The following SAMTOR variants were observed in gnomAD, a reference collection of about 807,000 sequenced individuals.
SAMTOR encodes the protein S-adenosylmethionine sensor upstream of mTORC1.
chr7:112,819,941 A>C, the SAMTOR span: 1 of 152,510 alleles, frequency 6.6e-6, no homozygotes, highest in Non-Finnish European at 1.5e-5. Flanking sequence ...ATTATCCTTA[A>C]CATAGTGCTT....
At chr7:112,887,402 C>T in the SAMTOR span, among the ~76,000 whole-genome samples, 1 of 151,952 alleles carries the variant, frequency 6.6e-6, no homozygotes, top group African/African-American at 2.4e-5. Context: ...TGTTAATTCA[C>T]ATTTGGAAAT....
At chr7:112,888,685 A>G in the SAMTOR span, among the ~76,000 whole-genome samples, 3 of 152,166 alleles carry the variant, frequency 2.0e-5, no homozygotes, top group Non-Finnish European at 4.4e-5. Context: ...CCCAGATATC[A>G]AATGGCTTGA....
the SAMTOR span, among the ~76,000 whole-genome samples, chr7:112,862,675 T>A: frequency 1.3e-5 from 2 of 152,168 alleles, no homozygotes; most frequent in East Asian, 3.8e-4. Context: ...ATGCCTGTAA[T>A]CTCAGCACTT....
chr7:112,861,026 G>GA, the SAMTOR span, among the ~76,000 whole-genome samples: 2 of 151,672 alleles, frequency 1.3e-5, no homozygotes, highest in Admixed American at 1.3e-4. Flanking sequence ...ACAAAAGCTG[G>GA]AAAAAACTAT....
chr7:112,888,888 TGAGA>T, the SAMTOR span, among the ~76,000 whole-genome samples: 1 of 152,190 alleles, frequency 6.6e-6, no homozygotes, highest in African/African-American at 2.4e-5. Context: ...TATGTATGTT[TGAGA>T]GAGAGAAAGA....
the SAMTOR span, among the ~76,000 whole-genome samples, chr7:112,849,392 G>C: frequency 6.6e-6 from 1 of 152,110 alleles, no homozygotes; most frequent in Non-Finnish European, 1.5e-5. Flanking sequence ...CACTTTACTA[G>C]TATGTGACCT....
the SAMTOR span, among the ~76,000 whole-genome samples, chr7:112,872,099 G>A: frequency 6.6e-6 from 1 of 152,100 alleles, no homozygotes; most frequent in Middle Eastern, 3.2e-3. Flanking sequence ...AAATCGAGGA[G>A]GAGGAATTCG....
At chr7:112,859,579 C>T in the SAMTOR span, among the ~76,000 whole-genome samples, 4 of 152,156 alleles carry the variant, frequency 2.6e-5, no homozygotes, top group Admixed American at 1.3e-4. Context: ...AGCTCCTTTG[C>T]CAGTAATGAC....
the SAMTOR span, among the ~76,000 whole-genome samples, chr7:112,885,179 G>A: frequency 6.6e-6 from 1 of 152,164 alleles, no homozygotes; most frequent in African/African-American, 2.4e-5. Flanking sequence ...GGGGGGCCCT[G>A]GGATCAGCCC....
At chr7:112,844,036 C>A in the SAMTOR span, among the ~76,000 whole-genome samples, 2 of 151,982 alleles carry the variant, frequency 1.3e-5, no homozygotes, top group Non-Finnish European at 2.9e-5. Context: ...ACCACATGAT[C>A]ATCTCAATAG....
the SAMTOR span, among the ~76,000 whole-genome samples, chr7:112,925,802 A>G: frequency 2.0e-5 from 3 of 151,988 alleles, no homozygotes; most frequent in Non-Finnish European, 4.4e-5. Flanking sequence ...CTCAAAAAAA[A>G]AAAAAAAAAA....
chr7:112,858,850 T>G, the SAMTOR span, among the ~76,000 whole-genome samples: 1 of 152,236 alleles, frequency 6.6e-6, no homozygotes. Context: ...TGTACTGATA[T>G]TTAATACATG....
chr7:112,893,683 C>A, the SAMTOR span, among the ~76,000 whole-genome samples: 3 of 152,170 alleles, frequency 2.0e-5, no homozygotes, highest in Non-Finnish European at 2.9e-5. Flanking sequence ...GTAGGTGGAT[C>A]ACGAGGTCAA....
At chr7:112,930,315 C>T in the SAMTOR span, among the ~76,000 whole-genome samples, 1 of 152,174 alleles carries the variant, frequency 6.6e-6, no homozygotes, top group East Asian at 1.9e-4. Flanking sequence ...AGTGACACAT[C>T]TAAAAGTGGG....
At chr7:112,888,897 G>T in the SAMTOR span, among the ~76,000 whole-genome samples, 3 of 152,152 alleles carry the variant, frequency 2.0e-5, no homozygotes, top group Non-Finnish European at 2.9e-5. Context: ...TTGAGAGAGA[G>T]AAAGATTTCT....
At chr7:112,918,071 C>T in the SAMTOR span, among the ~76,000 whole-genome samples, 2 of 152,078 alleles carry the variant, frequency 1.3e-5, no homozygotes, top group Non-Finnish European at 2.9e-5. Flanking sequence ...GGCAGGCCAA[C>T]GTTCAGATTC....
chr7:112,880,599 T>C, the SAMTOR span, among the ~76,000 whole-genome samples: 167 of 152,016 alleles, frequency 1.1e-3, no homozygotes, highest in Middle Eastern at 0.01. Flanking sequence ...AACTAGATTA[T>C]GCATTTTTTA....
At chr7:112,859,684 C>T in the SAMTOR span, among the ~76,000 whole-genome samples, 17 of 151,650 alleles carry the variant, frequency 1.1e-4, 1 homozygote, top group Admixed American at 9.2e-4. Flanking sequence ...TGTGTCTTAG[C>T]TTTTACCAAA....
the SAMTOR span, among the ~76,000 whole-genome samples, chr7:112,894,355 T>C: frequency 1.3e-5 from 2 of 152,236 alleles, no homozygotes; most frequent in Middle Eastern, 3.4e-3. Flanking sequence ...AATAGTAACA[T>C]CAAAGATCAC....
Sources: allele counts gnomAD v4.1 joint callset (sites outside exome capture counted in the v4.1 genomes callset), GRCh38; gene constraint gnomAD v4.1.1; transcripts MANE v1.5; gene names NCBI Gene and HGNC (gene_info 2026-07-23, HGNC 2026-07-21).